Variants in AGBL4 observed in about 807,000 individuals in gnomAD.
The protein encoded by AGBL4 is AGBL carboxypeptidase 4, also known as cytosolic carboxypeptidase 6.
Under a neutral mutation model 66.4 loss-of-function variants are expected in AGBL4, and 58 were observed. That is an observed-to-expected ratio of 0.87 (90% CI 0.71 to 1.09). The LOEUF (loss-of-function observed/expected upper bound fraction) is 1.09, where lower values mean the gene tolerates loss of function less well. AGBL4 is among the 50% of genes least tolerant of loss of function. AGBL4 has a pLI of 0.00. For missense variants in AGBL4, 579 were observed against 631.0 expected (o/e 0.92, Z 0.88); for synonymous variants, 234 against 222.9 (o/e 1.05, Z -0.44).
intron 6 of AGBL4, among the ~76,000 whole-genome samples, chr1:48,665,853 G>A (rs944179887): frequency 6.6e-6 from 1 of 152,170 alleles, no homozygotes; most frequent in Admixed American, 6.5e-5. Context: ...ATGATAAATG[G>A]CACTAAGGAG....
chr1:49,680,271 G>A (rs751637181), intron 3 of AGBL4, among the ~76,000 whole-genome samples: 5 of 151,642 alleles, frequency 3.3e-5, no homozygotes, highest in South Asian at 2.1e-4. Context: ...GGATGGTCTC[G>A]ATCTCTTGAC....
chr1:48,890,017 T>C (rs933721339), intron 5 of AGBL4, among the ~76,000 whole-genome samples: 3 of 151,448 alleles, frequency 2.0e-5, no homozygotes, highest in South Asian at 2.1e-4. Context: ...TGTGTGTGTG[T>C]GCATTTAGCA....
chr1:49,517,056 AT>A (rs1203035938), intron 3 of AGBL4, among the ~76,000 whole-genome samples: 1 of 151,914 alleles, frequency 6.6e-6, no homozygotes, highest in African/African-American at 2.4e-5. Context: ...CCTAATCTCG[AT>A]GTTGTGAAGG....
At chr1:48,845,745 G>A (rs934311137) in intron 6 of AGBL4, among the ~76,000 whole-genome samples, 6 of 152,104 alleles carry the variant, frequency 3.9e-5, no homozygotes, top group Non-Finnish European at 5.9e-5. Context: ...TTCTGGAGCC[G>A]AACTGCCTGG....
intron 3 of AGBL4, among the ~76,000 whole-genome samples, chr1:49,441,271 GGT>G (rs1180764296): frequency 6.6e-6 from 1 of 152,106 alleles, no homozygotes; most frequent in East Asian, 1.9e-4. Context: ...GGATATTAAG[GGT>G]GTGGGATAAT....
chr1:49,568,912 G>C (rs1359977888), intron 3 of AGBL4, among the ~76,000 whole-genome samples: 1 of 152,068 alleles, frequency 6.6e-6, no homozygotes, highest in African/African-American at 2.4e-5. Flanking sequence ...TAGCATATCA[G>C]AGAGATATTT....
chr1:49,232,236 T>A (rs1650371775), intron 4 of AGBL4, among the ~76,000 whole-genome samples: 1 of 152,162 alleles, frequency 6.6e-6, no homozygotes, highest in African/African-American at 2.4e-5. Context: ...ATTAATTATA[T>A]CTTGATAAAG....
At chr1:49,091,008 T>C (rs972222776) in intron 4 of AGBL4, among the ~76,000 whole-genome samples, 1 of 152,096 alleles carries the variant, frequency 6.6e-6, no homozygotes, top group Non-Finnish European at 1.5e-5. Flanking sequence ...ATTCAGTTAG[T>C]GGTGCTGGGA....
At chr1:48,531,738 T>C (rs531780047), downstream of AGBL4, among the ~76,000 whole-genome samples, 5 of 149,710 alleles carry the variant, frequency 3.3e-5, 1 homozygote, top group African/African-American at 1.2e-4. Flanking sequence ...CTTTCTTTCC[T>C]ATTCCCACTC....
Position 49,506,169 on chromosome 1 carries a change from T to G in AGBL4, c.282+191144A>C, listed in dbSNP as rs187969312. On this transcript the variant is annotated intron_variant, in intron 3 of 13. Coordinates refer to ENST00000371839, the MANE Select transcript of AGBL4 (RefSeq NM_032785.4). ...CGAACTTTTTGTATAAAGGGCTATATAGCACATATTTTAAGCTTTCTGGGC... is the reference window on the plus strand; with the variant it reads ...CGAACTTTTTGTATAAAGGGCTATAGAGCACATATTTTAAGCTTTCTGGGC... Among the ~76,000 whole-genome samples, 72 of 152,154 alleles carry G rather than the reference T, an allele frequency of 4.7e-4. No individual in the cohort carries two copies. The East Asian group carries it at 0.01, about 22-fold the overall frequency.
At chr1:49,808,726 CCT>C (rs1488795682) in intron 2 of AGBL4, among the ~76,000 whole-genome samples, 1 of 151,850 alleles carries the variant, frequency 6.6e-6, no homozygotes, top group Admixed American at 6.6e-5. Context: ...AGAAAAATGC[CCT>C]GTTCCTAACA....
chr1:49,704,908 C>T (rs1041323687), intron 2 of AGBL4, among the ~76,000 whole-genome samples: 1 of 152,068 alleles, frequency 6.6e-6, no homozygotes. Context: ...TTTGAATATA[C>T]AGGATCTTTC....
At chr1:49,332,838 C>T (rs1645361459) in intron 3 of AGBL4, among the ~76,000 whole-genome samples, 1 of 152,120 alleles carries the variant, frequency 6.6e-6, no homozygotes, top group Non-Finnish European at 1.5e-5. Context: ...GAGGAATCGC[C>T]ACACTGTCTT....
At chr1:49,167,448 T>C (rs1646655591) in intron 4 of AGBL4, among the ~76,000 whole-genome samples, 1 of 152,176 alleles carries the variant, frequency 6.6e-6, no homozygotes, top group South Asian at 2.1e-4. Flanking sequence ...GGGTCAATGA[T>C]CACATCACCA....
At chr1:49,390,602 T>G (rs369393806) in intron 3 of AGBL4, among the ~76,000 whole-genome samples, 2 of 152,210 alleles carry the variant, frequency 1.3e-5, no homozygotes, top group African/African-American at 4.8e-5. Flanking sequence ...GGAAACTATC[T>G]TACAAAAGTT....
chr1:49,245,960 C>A, intron 3 of AGBL4, 96 bp from the exon 4 acceptor site: 2 of 881,012 alleles, frequency 2.3e-6, no homozygotes, highest in South Asian at 1.5e-5. Context: ...TTAAAGAAAG[C>A]CATATGGACT....
intron 2 of AGBL4, among the ~76,000 whole-genome samples, chr1:49,721,369 A>T (rs1648595861): frequency 6.6e-6 from 1 of 151,902 alleles, no homozygotes; most frequent in Non-Finnish European, 1.5e-5. Flanking sequence ...TAAAAGCTGT[A>T]ACACTCACTG....
At chr1:49,359,637 G>C (rs191795380) in intron 3 of AGBL4, among the ~76,000 whole-genome samples, 1 of 152,098 alleles carries the variant, frequency 6.6e-6, no homozygotes, top group Admixed American at 6.6e-5. Context: ...TCTCCACTGC[G>C]TGCATGGAGA....
intron 4 of AGBL4, among the ~76,000 whole-genome samples, chr1:49,151,215 G>A (rs1387854294): frequency 1.3e-5 from 2 of 149,470 alleles, no homozygotes; most frequent in Non-Finnish European, 3.0e-5. Flanking sequence ...CTTGCAGTGA[G>A]CCGAGATCGT....
Sources: allele counts gnomAD v4.1 joint callset (sites outside exome capture counted in the v4.1 genomes callset), GRCh38; gene constraint gnomAD v4.1.1; transcripts MANE v1.5; gene names NCBI Gene and HGNC (gene_info 2026-07-23, HGNC 2026-07-21).